MAN1A2: variants seen among roughly 807,000 people sequenced by gnomAD.
MAN1A2 encodes mannosyl-oligosaccharide 1,2-alpha-mannosidase IB.
In MAN1A2, 26 loss-of-function variants were observed where a neutral mutation model predicts 75.7. The ratio of observed to expected loss-of-function variants is 0.34; its 90% confidence interval spans 0.25 to 0.48. The LOEUF is 0.48. Among genes scored for constraint, MAN1A2 ranks in the 20% least tolerant of loss-of-function variants. MAN1A2 has a pLI of 0.99. For missense variants in MAN1A2, 562 were observed against 775.5 expected, an observed-to-expected ratio of 0.72 and a Z score of 3.27; for synonymous variants, 247 against 264.6, an observed-to-expected ratio of 0.93 and a Z score of 0.65.
At chr1:117,469,477 T>G (rs1466413408) in intron 8 of MAN1A2, among the ~76,000 whole-genome samples, 1 of 152,018 alleles carries the variant, frequency 6.6e-6, no homozygotes, top group Non-Finnish European at 1.5e-5. Context: ...TGATTAAAAT[T>G]GAAAATTTTT....
In MAN1A2 at chr1:117,368,054, A is replaced by G. The variant is rs965376624; in HGVS notation, c.-130A>G. ...TGAATGACGTGCCCTCTTAAAAAGC[A>G]CAACAGTCCTTTAAGAGGAGCAAAA... On this transcript the variant is annotated 5_prime_UTR_variant, in exon 1 of 13. Transcript: ENST00000356554. The G allele has an allele frequency of 3.5e-6, 3 of 855,952 alleles. No homozygotes were observed. The highest frequency in any genetic ancestry group is 5.4e-6 in the Non-Finnish European group (3 of 552,870). 53.0% of individuals were successfully genotyped at this position (855,952 alleles called of 1,614,324 possible).
intron 8 of MAN1A2, among the ~76,000 whole-genome samples, chr1:117,477,472 G>C (rs1239527500): frequency 6.6e-6 from 1 of 151,964 alleles, no homozygotes. Context: ...GGGATGCAAG[G>C]CTGGTTCAGC....
At chr1:117,425,601 A>G (rs61805766) in intron 5 of MAN1A2, among the ~76,000 whole-genome samples, 39,481 of 152,116 alleles carry the variant, frequency 0.26, 5,783 homozygotes, top group East Asian at 0.48. Flanking sequence ...GAAAAACATC[A>G]TATAATCTTA....
intron 7 of MAN1A2, 74 bp from the exon 8 acceptor site, chr1:117,466,260 C>A: frequency 2.1e-6 from 2 of 955,378 alleles, no homozygotes; most frequent in Non-Finnish European, 3.2e-6. Flanking sequence ...AGAAAAAACA[C>A]AAAGCCTACA....
intron 6 of MAN1A2, among the ~76,000 whole-genome samples, chr1:117,453,265 A>G (rs1342089756): frequency 6.6e-6 from 1 of 152,210 alleles, no homozygotes; most frequent in Non-Finnish European, 1.5e-5. Context: ...AAGTCTTATT[A>G]TTTAAAGAAT....
chr1:117,421,257 TG>T (rs1191243150), intron 5 of MAN1A2, among the ~76,000 whole-genome samples: 1 of 152,108 alleles, frequency 6.6e-6, no homozygotes, highest in African/African-American at 2.4e-5. Flanking sequence ...GTCATTTATT[TG>T]TTTTTTGAGC....
At position 117,515,110 on chromosome 1, in the gene MAN1A2, A is replaced by G. The variant is rs1343876718; in HGVS notation, c.1794-7715A>G. 2.7e-5 allele frequency: 6 copies of G among 222,204 alleles called. No homozygotes were observed. In the East Asian group the frequency reaches 6.8e-4, roughly 25 times the overall value. The allele number at this position is 222,204 out of a possible 1,614,324, so 13.8% of individuals were successfully genotyped here. On this transcript the variant is annotated intron_variant, in intron 12 of 12. Transcript: ENST00000356554. ...GACAAATTTAATAAAAGTACAAAGT[A>G]TATATGCAGTTGGCCCTCCATGTCA...
intron 6 of MAN1A2, among the ~76,000 whole-genome samples, chr1:117,446,566 G>C (rs1313838581): frequency 4.0e-5 from 6 of 151,780 alleles, no homozygotes; most frequent in Non-Finnish European, 8.8e-5. Flanking sequence ...ATAATTGTGT[G>C]GTTCAATTGC....
chr1:117,502,630 TAA>T (rs1557976582), intron 11 of MAN1A2, among the ~76,000 whole-genome samples: 1 of 151,696 alleles, frequency 6.6e-6, no homozygotes, highest in Non-Finnish European at 1.5e-5. Flanking sequence ...TTAAAAAGAT[TAA>T]AGAGTTTTGG....
intron 8 of MAN1A2, among the ~76,000 whole-genome samples, chr1:117,486,470 A>T (rs1311090542): frequency 6.6e-6 from 1 of 152,016 alleles, no homozygotes; most frequent in Non-Finnish European, 1.5e-5. Flanking sequence ...ATCCCACAGG[A>T]GACAGACAAT....
At chr1:117,377,689 G>T (rs77807296) in intron 1 of MAN1A2, among the ~76,000 whole-genome samples, 18,809 of 152,002 alleles carry the variant, frequency 0.12, 1,200 homozygotes, top group Non-Finnish European at 0.14. Flanking sequence ...TTGTTTTTTT[G>T]TGTTCGTTTT....
At chr1:117,486,495 T>A (rs1650704899) in intron 8 of MAN1A2, among the ~76,000 whole-genome samples, 2 of 152,054 alleles carry the variant, frequency 1.3e-5, no homozygotes. Context: ...TAAACATTTT[T>A]AATTCTCCAC....
At chr1:117,412,551 A>T (rs1244001673) in intron 3 of MAN1A2, among the ~76,000 whole-genome samples, 4 of 151,572 alleles carry the variant, frequency 2.6e-5, no homozygotes, top group Non-Finnish European at 5.9e-5. Flanking sequence ...TTCTTAGAAT[A>T]TTCAGTTATT....
rs1357669706 is a variant in MAN1A2, at chr1:117,419,085, A to G, written c.775-1484A>G. Among the ~76,000 whole-genome samples, 4 of 152,100 alleles carry G rather than the reference A, an allele frequency of 2.6e-5. No individual in the cohort carries two copies. The East Asian group carries it at 5.8e-4, about 22-fold the overall frequency. On this transcript the variant is annotated intron_variant, in intron 4 of 12. Transcript: ENST00000356554. The stretch of plus-strand genomic sequence containing the variant: ...CTGGGTACAGCAAGTAGGCCCATAT[A>G]ATTAAATGAATCAAAGGGATATTAA...
chr1:117,432,524 CAT>C (rs1375711703), intron 5 of MAN1A2, among the ~76,000 whole-genome samples: 5 of 152,122 alleles, frequency 3.3e-5, no homozygotes, highest in South Asian at 2.1e-4. Context: ...AATTTAATAA[CAT>C]AGACAAAACA....
In MAN1A2 at chr1:117,496,581, C is replaced by T. The variant is rs185494970; in HGVS notation, c.1285-182C>T. 2.2e-3 allele frequency among the ~76,000 whole-genome samples: 338 copies of T among 152,008 alleles called. 1 individual carries two copies. The highest frequency in any genetic ancestry group is 0.017 in the Middle Eastern group (5 of 294). ...TATGGTAGTGATTCAGATATTGGTT[C>T]CAGATTATATGCAATTTGATCACCC... On this transcript the variant is annotated intron_variant, in intron 9 of 12. Coordinates refer to ENST00000356554, the MANE Select transcript of MAN1A2 (RefSeq NM_006699.5).
chr1:117,514,935 T>C (rs777847092), intron 12 of MAN1A2: 1 of 531,260 alleles, frequency 1.9e-6, no homozygotes, highest in East Asian at 5.5e-5. Context: ...TCTGCTCACT[T>C]ACTCCTGGAG....
intron 5 of MAN1A2, among the ~76,000 whole-genome samples, chr1:117,433,277 A>AACTG (rs1358638113): frequency 3.3e-5 from 5 of 152,080 alleles, no homozygotes; most frequent in African/African-American, 9.7e-5. Flanking sequence ...AGAGATACTA[A>AACTG]ACTGGTGTAA....
intron 5 of MAN1A2, among the ~76,000 whole-genome samples, chr1:117,426,145 A>G (rs1214314010): frequency 6.6e-6 from 1 of 151,982 alleles, no homozygotes; most frequent in African/African-American, 2.4e-5. Flanking sequence ...TCACTGCATT[A>G]TCTTATAGCT....
Sources: gnomAD v4.1 joint callset for allele counts (sites outside exome capture counted in the v4.1 genomes callset) on GRCh38, gnomAD v4.1.1 for gene constraint, MANE v1.5 for transcripts, NCBI Gene and HGNC (gene_info 2026-07-23, HGNC 2026-07-21) for gene names.